RAB7B: variants seen among roughly 807,000 people sequenced by gnomAD.
RAB7B encodes the protein RAB7B, member RAS oncogene family, also known as ras-related protein Rab-7b.
In RAB7B at chr1:205,978,039, A is replaced by G. The variant is rs1211497587; in HGVS notation, c.*812T>C. The G allele has an allele frequency of 6.6e-6, 1 of 152,264 alleles. No individual in the cohort carries two copies. The highest frequency in any genetic ancestry group is 2.4e-5 in the African/African-American group (1 of 41,466). The allele number at this position is 152,264 out of a possible 1,614,324, so 9.4% of individuals were successfully genotyped here. A position where few individuals can be genotyped will look rare whatever the true frequency, so the allele number is the denominator to read the frequency against. ...GTCACTGGACTTCAATGCATCGTAC[A>G]TAGTAGATACGCAAAAATAAACTTG... On this transcript the variant is annotated 3_prime_UTR_variant, in exon 6 of 6. Coordinates refer to ENST00000617070, the MANE Select transcript of RAB7B (RefSeq NM_001164522.3).
chr1:205,979,196 CTT>C (rs1660442261), intron 5 of RAB7B, among the ~76,000 whole-genome samples: 1 of 152,188 alleles, frequency 6.6e-6, no homozygotes, highest in Non-Finnish European at 1.5e-5. Flanking sequence ...TGTCCTATAA[CTT>C]TCCATTCTCC....
chr1:206,002,910 GC>G (rs1441744301), intron 1 of RAB7B, among the ~76,000 whole-genome samples: 1 of 152,216 alleles, frequency 6.6e-6, no homozygotes, highest in East Asian at 1.9e-4. Context: ...GCAGGGTTTT[GC>G]CCTCATGCAG....
intron 4 of RAB7B, among the ~76,000 whole-genome samples, chr1:205,986,855 G>T (rs1350206072): frequency 6.6e-6 from 1 of 152,038 alleles, no homozygotes; most frequent in African/African-American, 2.4e-5. Context: ...CCAGAACACA[G>T]TGCAGGCCGA....
At chr1:205,987,039 T>C (rs1242795068) in intron 4 of RAB7B, among the ~76,000 whole-genome samples, 8 of 152,338 alleles carry the variant, frequency 5.3e-5, no homozygotes, top group African/African-American at 1.9e-4. Context: ...AATCTCATTT[T>C]TCCCTGCTCT....
At chr1:205,984,876 C>T (rs920369810) in intron 5 of RAB7B, among the ~76,000 whole-genome samples, 22 of 152,204 alleles carry the variant, frequency 1.4e-4, no homozygotes, top group African/African-American at 5.3e-4. Flanking sequence ...CCCTTCTTCC[C>T]TCTCCCTCCT....
chr1:205,987,205 C>G (rs1660625803), intron 4 of RAB7B, among the ~76,000 whole-genome samples: 1 of 152,188 alleles, frequency 6.6e-6, no homozygotes, highest in Non-Finnish European at 1.5e-5. Flanking sequence ...TCACTTTTCT[C>G]TTCCAATCCC....
chr1:205,992,914 T>C (rs1216321418), intron 3 of RAB7B, among the ~76,000 whole-genome samples: 1 of 152,238 alleles, frequency 6.6e-6, no homozygotes, highest in Non-Finnish European at 1.5e-5. Context: ...TAATTTCACA[T>C]CTGAGCTCTC....
chr1:206,002,103 C>G (rs1660902129), intron 1 of RAB7B, among the ~76,000 whole-genome samples: 2 of 151,670 alleles, frequency 1.3e-5, no homozygotes, highest in South Asian at 4.1e-4. Context: ...TGGAAAAGGA[C>G]AAATATATCC....
chr1:205,997,542 C>A (rs1178588796), intron 1 of RAB7B, among the ~76,000 whole-genome samples: 2 of 152,208 alleles, frequency 1.3e-5, no homozygotes, highest in African/African-American at 4.8e-5. Context: ...CTGTAAATAT[C>A]TGACCAAAGA....
chr1:205,980,668 C>A (rs1660474477), intron 5 of RAB7B, among the ~76,000 whole-genome samples: 1 of 152,222 alleles, frequency 6.6e-6, no homozygotes, highest in African/African-American at 2.4e-5. Flanking sequence ...AGCTGCCAGC[C>A]AGCCCACTTC....
intron 4 of RAB7B, 144 bp downstream of exon 4, chr1:205,992,336 T>A (rs1485452058): frequency 2.5e-6 from 1 of 396,784 alleles, no homozygotes; most frequent in Non-Finnish European, 4.4e-6. Flanking sequence ...TTTTAAAATG[T>A]CTGTATCTAC....
intron 4 of RAB7B, among the ~76,000 whole-genome samples, chr1:205,988,751 C>T (rs2102637302): frequency 6.6e-6 from 1 of 152,282 alleles, no homozygotes; most frequent in African/African-American, 2.4e-5. Context: ...GCTGCGGAGG[C>T]ACATGGACCA....
chr1:206,001,223 C>T (rs1296599381), intron 1 of RAB7B, among the ~76,000 whole-genome samples: 1 of 151,382 alleles, frequency 6.6e-6, no homozygotes, highest in Non-Finnish European at 1.5e-5. Context: ...AGATCTCATA[C>T]AGTGGTTGGA....
At chr1:205,996,509 C>G (rs1442315658) in intron 1 of RAB7B, among the ~76,000 whole-genome samples, 1 of 152,160 alleles carries the variant, frequency 6.6e-6, no homozygotes, top group Admixed American at 6.5e-5. Context: ...CAGCTGAGCC[C>G]CAAAGACTCA....
At chr1:205,996,171 TG>T (rs1660810517) in intron 1 of RAB7B, among the ~76,000 whole-genome samples, 2 of 151,488 alleles carry the variant, frequency 1.3e-5, no homozygotes, top group African/African-American at 2.4e-5. Context: ...TGTGTGTGTG[TG>T]TGTGTGTGTG....
At chr1:205,989,889 A>G (rs1660687051) in intron 4 of RAB7B, among the ~76,000 whole-genome samples, 1 of 152,134 alleles carries the variant, frequency 6.6e-6, no homozygotes, top group Non-Finnish European at 1.5e-5. Context: ...CTTGTCCCCA[A>G]GTAGCTCCTC....
chr1:205,985,854 T>G (rs1660596338), intron 4 of RAB7B, among the ~76,000 whole-genome samples, 189 bp from the exon 5 acceptor site: 1 of 9,696 alleles, frequency 1.0e-4, no homozygotes, highest in Non-Finnish European at 2.4e-4. Context: ...CCACTCCCAT[T>G]TATTGAGAAC....
At chr1:205,988,762 G>C (rs1480935524) in intron 4 of RAB7B, among the ~76,000 whole-genome samples, 2 of 152,188 alleles carry the variant, frequency 1.3e-5, no homozygotes, top group African/African-American at 4.8e-5. Context: ...ACATGGACCA[G>C]GTGGGCGGCT....
chr1:206,000,982 A>G (rs1188422251), intron 1 of RAB7B, among the ~76,000 whole-genome samples: 4 of 151,694 alleles, frequency 2.6e-5, no homozygotes, highest in Non-Finnish European at 5.9e-5. Flanking sequence ...CCCACATTCC[A>G]CCCCCTCCCT....
Sources: gnomAD v4.1 joint callset for allele counts (sites outside exome capture counted in the v4.1 genomes callset) on GRCh38, gnomAD v4.1.1 for gene constraint, MANE v1.5 for transcripts, NCBI Gene and HGNC (gene_info 2026-07-23, HGNC 2026-07-21) for gene names.